The following ADAMTS5 variants were observed in gnomAD, a reference collection of about 807,000 sequenced individuals.
The protein encoded by ADAMTS5 is A disintegrin and metalloproteinase with thrombospondin motifs 5.
Under a neutral mutation model 81.4 loss-of-function variants are expected in ADAMTS5, and 54 were observed. The ratio of observed to expected loss-of-function variants is 0.66; its 90% confidence interval spans 0.53 to 0.83. The LOEUF (loss-of-function observed/expected upper bound fraction) is 0.83, where lower values mean the gene tolerates loss of function less well. Among genes scored for constraint, ADAMTS5 ranks in the 40% least tolerant of loss-of-function variants. ADAMTS5 has a pLI of 0.00. For synonymous variants in ADAMTS5, 532 were observed against 508.8 expected (o/e 1.05, Z -0.61); for missense variants, 1,194 against 1,229.9 (o/e 0.97, Z 0.44).
chr21:26,943,750 T>C (rs1987160452), intron 2 of ADAMTS5, among the ~76,000 whole-genome samples: 1 of 152,210 alleles, frequency 6.6e-6, no homozygotes, highest in Non-Finnish European at 1.5e-5. Flanking sequence ...AACATTTCGA[T>C]GGAAACTGAA....
intron 5 of ADAMTS5, 63 bp from the exon 6 acceptor site, chr21:26,932,242 G>C: frequency 1.3e-6 from 2 of 1,511,532 alleles, no homozygotes; most frequent in East Asian, 2.3e-5. Context: ...TATTCTTGTG[G>C]GTTTAAATAG....
At chr21:26,938,721 T>C (rs976483198) in intron 3 of ADAMTS5, among the ~76,000 whole-genome samples, 2 of 152,112 alleles carry the variant, frequency 1.3e-5, no homozygotes, top group African/African-American at 4.8e-5. Flanking sequence ...GTAGAGACTA[T>C]GTTTCGCCGT....
In ADAMTS5 at chr21:26,923,975, G is replaced by A; in HGVS notation, c.*78C>T. 2 of 1,420,484 alleles carry A rather than the reference G, an allele frequency of 1.4e-6. No individual in the cohort carries two copies. The highest frequency in any genetic ancestry group is 1.9e-6 in the Non-Finnish European group (2 of 1,056,936). The allele number at this position is 1,420,484 out of a possible 1,614,324, so 88.0% of individuals were successfully genotyped here. A position where few individuals can be genotyped will look rare whatever the true frequency, so the allele number is the denominator to read the frequency against. ...CTGAAGCATGACTTTCTGTGCGTTA[G>A]GTAGACCTCCTGTTCACCACGACTG... On this transcript the variant is annotated 3_prime_UTR_variant, in exon 8 of 8. Transcript: ENST00000284987.
At chr21:26,952,120 G>A (rs1987330988) in intron 2 of ADAMTS5, among the ~76,000 whole-genome samples, 1 of 152,172 alleles carries the variant, frequency 6.6e-6, no homozygotes. Context: ...TAATACAAAA[G>A]GGAAGTTAAA....
At chr21:26,960,371 G>A (rs943516196) in intron 1 of ADAMTS5, among the ~76,000 whole-genome samples, 2 of 152,172 alleles carry the variant, frequency 1.3e-5, no homozygotes, top group African/African-American at 4.8e-5. Flanking sequence ...ATTAAAACTT[G>A]TCAGCATGGT....
intron 7 of ADAMTS5, among the ~76,000 whole-genome samples, chr21:26,925,107 C>T (rs1473925326): frequency 1.3e-5 from 2 of 152,118 alleles, no homozygotes; most frequent in Non-Finnish European, 2.9e-5. Context: ...CAGAGCCTAC[C>T]CACACCTCAG....
Position 26,924,591 on chromosome 21 carries a change from G to A in ADAMTS5, c.2255C>T (p.Pro752Leu), listed in dbSNP as rs2123163797. Residue 752 changes from proline to leucine, a missense_variant, in exon 8 of 8, where the codon CCT becomes CTT. Around this residue, in one of 2 missense-constraint regions of ADAMTS5, gnomAD observed 696 missense variants for 817.6 expected, o/e 0.85. Transcript: ENST00000284987. The part of the protein sequence containing the change: ...SKGYTDVVRI[P>L]EGATHIKVRQ... ...AACTTTTATGTGGGTTGCCCCTTCAGGAATCCTCACCACGTCAGTGTAACC... is the reference window on the plus strand; with the variant it reads ...AACTTTTATGTGGGTTGCCCCTTCAAGAATCCTCACCACGTCAGTGTAACC... The A allele has an allele frequency of 3.1e-6, 5 of 1,613,672 alleles. No homozygotes were observed. In the East Asian group the frequency reaches 1.1e-4, roughly 36 times the overall value.
At chr21:26,949,544 GA>G (rs765442499) in intron 2 of ADAMTS5, among the ~76,000 whole-genome samples, 2 of 151,670 alleles carry the variant, frequency 1.3e-5, no homozygotes, top group East Asian at 1.9e-4. Context: ...AAACATAAAA[GA>G]AAAAAAATCA....
chr21:26,947,459 G>A (rs890475395), intron 2 of ADAMTS5, among the ~76,000 whole-genome samples: 5 of 150,410 alleles, frequency 3.3e-5, no homozygotes, highest in Non-Finnish European at 7.4e-5. Flanking sequence ...TTGAGATGGA[G>A]TTTCTCTCTT....
At chr21:26,942,013 A>G (rs190002357) in intron 3 of ADAMTS5, among the ~76,000 whole-genome samples, 1 of 150,212 alleles carries the variant, frequency 6.7e-6, no homozygotes, top group African/African-American at 2.4e-5. Context: ...AATTATTGAC[A>G]TATTTTTTCA....
intron 1 of ADAMTS5, among the ~76,000 whole-genome samples, chr21:26,963,727 A>G (rs1442865101): frequency 6.8e-6 from 1 of 146,802 alleles, no homozygotes; most frequent in Non-Finnish European, 1.5e-5. Flanking sequence ...GTTTTACAGA[A>G]CTTCATTTTG....
In ADAMTS5 at chr21:26,945,685, A is replaced by G. The variant is rs1011382668; in HGVS notation, c.1238-2138T>C. Among the ~76,000 whole-genome samples the G allele has an allele frequency of 7.9e-5, 12 of 152,332 alleles. No homozygotes were observed. The East Asian group carries it at 1.5e-3, about 20-fold the overall frequency. ...TTTAAAGGTTTCAATTATGTAAGCA[A>G]GTCAATTTAATTTTGAAATATTTCA... On this transcript the variant is annotated intron_variant, in intron 2 of 7. Coordinates refer to ENST00000284987, the MANE Select transcript of ADAMTS5 (RefSeq NM_007038.5).
At position 26,954,884 on chromosome 21, in the gene ADAMTS5, A is replaced by G; in HGVS notation, c.1105-13T>C. 1 of 1,612,914 alleles carries G rather than the reference A, an allele frequency of 6.2e-7. No individual in the cohort carries two copies. The highest frequency in any genetic ancestry group is 8.5e-7 in the Non-Finnish European group (1 of 1,179,616). ...GCCCACATAAATCCTGCCCAGGAGA[A>G]AGAAAGAAATCATTAAAATCAATTT... On this transcript the variant is annotated splice_polypyrimidine_tract_variant and intron_variant, in intron 1 of 7. Coordinates refer to ENST00000284987, the MANE Select transcript of ADAMTS5 (RefSeq NM_007038.5).
intron 7 of ADAMTS5, among the ~76,000 whole-genome samples, chr21:26,926,895 C>T (rs928062066): frequency 6.6e-6 from 1 of 152,078 alleles, no homozygotes; most frequent in Non-Finnish European, 1.5e-5. Flanking sequence ...TTCCTTAGAG[C>T]TTATCTCATC....
intron 1 of ADAMTS5, among the ~76,000 whole-genome samples, chr21:26,959,085 T>C (rs1443498633): frequency 6.6e-6 from 1 of 152,120 alleles, no homozygotes; most frequent in Admixed American, 6.6e-5. Context: ...AAGCTTTCTC[T>C]GACAAATGTG....
chr21:26,931,914 A>G (rs1986914497), intron 6 of ADAMTS5, 90 bp downstream of exon 6: 1 of 1,327,514 alleles, frequency 7.5e-7, no homozygotes, highest in African/African-American at 1.5e-5. Context: ...CAAACTAATA[A>G]CTGTTTACGT....
chr21:26,938,892 T>C (rs1056457036), intron 3 of ADAMTS5, among the ~76,000 whole-genome samples: 1 of 152,196 alleles, frequency 6.6e-6, no homozygotes, highest in African/African-American at 2.4e-5. Flanking sequence ...ACTAACATTA[T>C]TTCCATCTTC....
In ADAMTS5 at chr21:26,965,653, C is replaced by A. The variant is rs868501095; in HGVS notation, c.739G>T (p.Ala247Ser). 3 of 1,593,194 alleles carry A rather than the reference C, an allele frequency of 1.9e-6. No homozygotes were observed. The South Asian group carries it at 3.4e-5, about 18-fold the overall frequency. The part of the protein sequence containing the change: ...QLLDQSALSP[A>S]GGSGPQTWWR... ...CACGTCTGCGGTCCTGAGCCCCCAG[C>A]GGGCGAGAGAGCGGACTGGTCCAAG... is the stretch of plus-strand genomic sequence containing the variant. The change falls in exon 1 of 8, where the codon GCT (alanine) becomes TCT (serine). Residue 247 changes from alanine (A) to serine (S), a missense_variant. Ala to Ser is a moderately conservative substitution (Grantham distance 99, BLOSUM62 1). Transcript: ENST00000284987.
At chr21:26,930,477 T>A (rs1381976088) in intron 6 of ADAMTS5, among the ~76,000 whole-genome samples, 2 of 152,236 alleles carry the variant, frequency 1.3e-5, no homozygotes, top group Non-Finnish European at 2.9e-5. Flanking sequence ...GTTATTATAA[T>A]GACAAATTTG....
Sources: gnomAD v4.1 joint callset for allele counts (sites outside exome capture counted in the v4.1 genomes callset) on GRCh38, gnomAD v4.1.1 for gene constraint, gnomAD v4.1.1 regional missense constraint, MANE v1.5 for transcripts, NCBI Gene and HGNC (gene_info 2026-07-23, HGNC 2026-07-21) for gene names.